BMX: variants seen among roughly 807,000 people sequenced by gnomAD.
BMX encodes the protein cytoplasmic tyrosine-protein kinase BMX.
In BMX, 31 loss-of-function variants were observed where a neutral mutation model predicts 59.2. The ratio of observed to expected loss-of-function variants is 0.52; its 90% CI spans 0.39 to 0.71. The LOEUF (loss-of-function observed/expected upper bound fraction) is 0.71. Ranked by LOEUF, BMX falls within the 30% of genes least tolerant of loss-of-function variation. The pLI is 0.00. For missense variants in BMX, 474 were observed against 491.7 expected (o/e 0.96, Z 0.34); for synonymous variants, 185 against 181.0 (o/e 1.02, Z -0.18).
At chrX:15,545,168 A>T (rs1205238081) in intron 16 of BMX, among the ~76,000 whole-genome samples, 1 of 112,401 alleles carries the variant, frequency 8.9e-6, no homozygotes, top group African/African-American at 3.2e-5. Flanking sequence ...CAGCAACTCA[A>T]TTCTTGCCTC....
At chrX:15,516,274 G>T (rs1569220775) in intron 5 of BMX, 43 bp downstream of exon 5, 1 of 1,191,578 alleles carries the variant, frequency 8.4e-7, no homozygotes, top group Admixed American at 2.2e-5. Context: ...TGGGTGGATA[G>T]TGCTCCATTA....
At chrX:15,511,669 T>C in intron 4 of BMX, 151 bp downstream of exon 4, 1 of 464,086 alleles carries the variant, frequency 2.2e-6, no homozygotes, top group Non-Finnish European at 3.6e-6. Context: ...CCTCAGGGAA[T>C]GTGTCAGACT....
chrX:15,537,647 C>T (rs1925433857), intron 14 of BMX, among the ~76,000 whole-genome samples: 1 of 111,082 alleles, frequency 9.0e-6, no homozygotes, highest in Non-Finnish European at 1.9e-5. Flanking sequence ...TATAAGGGGC[C>T]TCAGTAGTTA....
chrX:15,524,781 T>A (rs1924630112), intron 7 of BMX, among the ~76,000 whole-genome samples: 1 of 111,839 alleles, frequency 8.9e-6, no homozygotes, highest in Admixed American at 9.5e-5. Flanking sequence ...TAGGCACTTC[T>A]TCATGCTCTG....
At chrX:15,550,707 C>T (rs968356990) in intron 18 of BMX, among the ~76,000 whole-genome samples, 2 of 90,287 alleles carry the variant, frequency 2.2e-5, no homozygotes, top group Non-Finnish European at 4.5e-5. Flanking sequence ...CACACACACA[C>T]ACACAAATAG....
intron 7 of BMX, among the ~76,000 whole-genome samples, chrX:15,523,104 ATTGTGTATG>A (rs1924545752): frequency 1.8e-5 from 2 of 112,357 alleles, no homozygotes; most frequent in South Asian, 7.3e-4. Flanking sequence ...CAACATGTAA[ATTGTGTATG>A]TATGTATCTC....
intron 1 of BMX, chrX:15,507,216 C>A: frequency 2.3e-6 from 1 of 441,800 alleles, no homozygotes; most frequent in South Asian, 1.1e-4. Flanking sequence ...TCCATGCAGA[C>A]AGAGCAATGC....
intron 7 of BMX, among the ~76,000 whole-genome samples, chrX:15,524,413 A>G (rs1399202): frequency 0.21 from 23,532 of 111,922 alleles, 2,091 homozygotes; most frequent in East Asian, 0.55. Flanking sequence ...TGTTAAGTAC[A>G]TTTACATTGT....
intron 5 of BMX, among the ~76,000 whole-genome samples, chrX:15,517,040 A>C (rs7053291): frequency 0.094 from 10,433 of 111,517 alleles, 1,160 homozygotes; most frequent in African/African-American, 0.32. Context: ...ACTTCATGAA[A>C]TGGAAAAGAT....
chrX:15,546,772 A>T, intron 16 of BMX, 31 bp from the exon 17 acceptor site: 1 of 1,146,694 alleles, frequency 8.7e-7, no homozygotes, highest in Non-Finnish European at 1.2e-6. Flanking sequence ...ACCACGGCTT[A>T]AGGTCTGTGT....
chrX:15,517,098 A>G (rs59399686), intron 5 of BMX, among the ~76,000 whole-genome samples: 288 of 111,641 alleles, frequency 2.6e-3, no homozygotes, highest in African/African-American at 8.9e-3. Context: ...CAGTATTGAT[A>G]CCCAACAATC....
chrX:15,539,743 T>C (rs1212094620), intron 14 of BMX, among the ~76,000 whole-genome samples: 2 of 112,666 alleles, frequency 1.8e-5, no homozygotes, highest in Admixed American at 1.9e-4. Context: ...AGATTAATCA[T>C]ATAAGAACAA....
chrX:15,543,098 G>C lies in BMX; in HGVS notation c.1639G>C (p.Asp547His). 1 of 1,209,107 alleles carries C rather than the reference G, an allele frequency of 8.3e-7. No homozygotes were observed. ...TGCTCGTAACTGCTTGGTGGACAGA[G>C]ATCTCTGTGTGAAAGTATCTGACTT... ...LAARNCLVDR[D>H]LCVKVSDFGM... The change falls in exon 16 of 19, where the codon GAT (aspartate) becomes CAT (histidine). Residue 547 changes from aspartate to histidine, a missense_variant. Coordinates refer to ENST00000348343, the MANE Select transcript of BMX (RefSeq NM_203281.3).
intron 14 of BMX, among the ~76,000 whole-genome samples, chrX:15,539,957 A>G (rs999300730): frequency 5.3e-5 from 6 of 112,555 alleles, no homozygotes; most frequent in African/African-American, 1.9e-4. Flanking sequence ...GTGGAGAGAA[A>G]TAGGAACGCT....
In BMX at chrX:15,508,332, T is replaced by G. The variant is rs748577933; in HGVS notation, c.-9-13T>G. ...TGCTGCAAATACTCATTTTAATTAT[T>G]TATTTTGTTTAGGATGATAATATGG... On this transcript the variant is annotated splice_polypyrimidine_tract_variant and intron_variant, in intron 1 of 18. Coordinates refer to ENST00000348343, the MANE Select transcript of BMX (RefSeq NM_203281.3). 7.5e-6 allele frequency: 8 copies of G among 1,062,539 alleles called. No individual in the cohort carries two copies. The East Asian group carries it at 1.9e-4, about 25-fold the overall frequency. 87.6% of individuals were successfully genotyped at this position (1,062,539 alleles called of 1,213,427 possible).
intron 4 of BMX, among the ~76,000 whole-genome samples, chrX:15,512,335 C>T (rs921259179): frequency 2.1e-4 from 23 of 110,205 alleles, no homozygotes; most frequent in African/African-American, 7.8e-4. Context: ...AGGTATTATG[C>T]TCCTAGATGG....
rs1924149799 is a variant in BMX, at chrX:15,516,241, G to A, written c.445+10G>A. On this transcript the variant is annotated intron_variant, in intron 5 of 18. Transcript: ENST00000348343. ...ACCCTCTGGGAAGCATGTAATGTGT[G>A]ATTCCTCTGTTGGACTGGACGTTGG... 8.3e-7 allele frequency: 1 copy of A among 1,205,823 alleles called. No homozygotes were observed.
chrX:15,550,113 G>T (rs2147144668), intron 18 of BMX, 116 bp downstream of exon 18: 1 of 898,642 alleles, frequency 1.1e-6, no homozygotes, highest in African/African-American at 2.0e-5. Context: ...GAGCAGGAGA[G>T]AATGGTCCTC....
In BMX at chrX:15,525,990, G is replaced by A. The variant is rs756243299; in HGVS notation, c.831-52G>A. On this transcript the variant is annotated intron_variant, in intron 8 of 18. Coordinates refer to ENST00000348343, the MANE Select transcript of BMX (RefSeq NM_203281.3). The stretch of plus-strand genomic sequence containing the variant: ...TTGATATTGCATGGCTACGCACTTG[G>A]ATTATTTCTTGGTGCTTTTCTGCAC... 3 of 1,074,187 alleles carry A rather than the reference G, an allele frequency of 2.8e-6. No homozygotes were observed. In the South Asian group the frequency reaches 6.0e-5, roughly 22 times the overall value. The allele number at this position is 1,074,187 out of a possible 1,213,427, so 88.5% of individuals were successfully genotyped here.
Sources: allele counts gnomAD v4.1 joint callset (sites outside exome capture counted in the v4.1 genomes callset), GRCh38; gene constraint gnomAD v4.1.1; transcripts MANE v1.5; gene names NCBI Gene and HGNC (gene_info 2026-07-23, HGNC 2026-07-21).